The following PDE1A variants were observed in gnomAD, a reference collection of about 807,000 sequenced individuals.
PDE1A encodes the protein phosphodiesterase 1A.
A neutral mutation model predicts 61.7 loss-of-function variants in PDE1A; 35 were observed. That is an observed-to-expected ratio of 0.57 (90% CI 0.43 to 0.75). The LOEUF (loss-of-function observed/expected upper bound fraction) is 0.75, where lower values mean the gene tolerates loss of function less well. Ranked by LOEUF, PDE1A falls within the 30% of genes least tolerant of loss-of-function variation. The pLI is 0.00. For synonymous variants in PDE1A, 232 were observed against 213.2 expected, an observed-to-expected ratio of 1.09 and a Z score of -0.77; for missense variants, 597 against 630.6, an observed-to-expected ratio of 0.95 and a Z score of 0.57.
intron 1 of PDE1A, among the ~76,000 whole-genome samples, chr2:182,361,413 C>T (rs1375059587): frequency 6.6e-6 from 1 of 151,934 alleles, no homozygotes. Flanking sequence ...AACATTTTTT[C>T]CCCAAAGGAT....
At chr2:182,419,680 T>C (rs140597813) in intron 1 of PDE1A, among the ~76,000 whole-genome samples, 1,943 of 152,290 alleles carry the variant, frequency 0.013, 27 homozygotes, top group South Asian at 0.048. Flanking sequence ...TTTCATTCTA[T>C]CATTCATTCA....
chr2:182,265,797 C>T (rs1004439129), intron 1 of PDE1A, among the ~76,000 whole-genome samples: 1 of 152,102 alleles, frequency 6.6e-6, no homozygotes, highest in Non-Finnish European at 1.5e-5. Context: ...CTCCATACTA[C>T]AGATAAGCAA....
intron 13 of PDE1A, 70 bp downstream of exon 13, chr2:182,185,822 G>C: frequency 6.2e-7 from 1 of 1,604,604 alleles, no homozygotes; most frequent in East Asian, 2.2e-5. Context: ...TCTAGAAGAA[G>C]TAATCCAAAC....
the PDE1A span, among the ~76,000 whole-genome samples, chr2:182,601,363 G>A: frequency 2.0e-5 from 3 of 152,244 alleles, no homozygotes; most frequent in African/African-American, 4.8e-5. Flanking sequence ...GAATTCAGCA[G>A]CACGCAGAAG....
the PDE1A span, among the ~76,000 whole-genome samples, chr2:182,645,734 CA>C: frequency 6.6e-6 from 1 of 152,212 alleles, no homozygotes; most frequent in East Asian, 1.9e-4. Context: ...ATGGCCACTA[CA>C]GAACAAAATA....
At chr2:182,188,733 T>C (rs538450379) in intron 11 of PDE1A, among the ~76,000 whole-genome samples, 2 of 152,364 alleles carry the variant, frequency 1.3e-5, no homozygotes, top group African/African-American at 2.4e-5. Context: ...GAAAATTTTA[T>C]ATTTTGTAAA....
the PDE1A span, among the ~76,000 whole-genome samples, chr2:182,658,306 C>A: frequency 6.6e-6 from 1 of 152,172 alleles, no homozygotes; most frequent in Non-Finnish European, 1.5e-5. Context: ...CCTGATGTTC[C>A]TTGCCTTGCA....
At chr2:182,602,569 G>A in the PDE1A span, among the ~76,000 whole-genome samples, 3 of 152,236 alleles carry the variant, frequency 2.0e-5, no homozygotes, top group East Asian at 3.8e-4. Context: ...AAAGCTAACA[G>A]ATGCAAATAT....
At chr2:182,395,318 C>T (rs771055459) in intron 1 of PDE1A, among the ~76,000 whole-genome samples, 17 of 152,154 alleles carry the variant, frequency 1.1e-4, no homozygotes, top group Non-Finnish European at 1.8e-4. Flanking sequence ...CACAAGATAT[C>T]GCATTGATCC....
At chr2:182,650,133 A>T in the PDE1A span, among the ~76,000 whole-genome samples, 5 of 152,154 alleles carry the variant, frequency 3.3e-5, no homozygotes, top group Non-Finnish European at 7.3e-5. Flanking sequence ...AAGATCCTAG[A>T]TCTATCCATA....
At chr2:182,454,271 A>G (rs1685741501) in intron 2 of PDE1A, among the ~76,000 whole-genome samples, 1 of 152,122 alleles carries the variant, frequency 6.6e-6, no homozygotes, top group African/African-American at 2.4e-5. Context: ...ATAAAAGAGG[A>G]TACAAACAAA....
intron 1 of PDE1A, among the ~76,000 whole-genome samples, chr2:182,410,099 C>A (rs1702525606): frequency 6.6e-6 from 1 of 152,134 alleles, no homozygotes; most frequent in Non-Finnish European, 1.5e-5. Context: ...TGCTTGTAAT[C>A]CCAGCACTTT....
intron 2 of PDE1A, among the ~76,000 whole-genome samples, chr2:182,507,014 T>C (rs1689455021): frequency 6.6e-6 from 1 of 152,204 alleles, no homozygotes; most frequent in Non-Finnish European, 1.5e-5. Flanking sequence ...ATATTTTATG[T>C]GGACACATGC....
At chr2:182,441,579 C>A (rs1684797874) in intron 2 of PDE1A, among the ~76,000 whole-genome samples, 1 of 151,890 alleles carries the variant, frequency 6.6e-6, no homozygotes, top group Non-Finnish European at 1.5e-5. Context: ...GAAACAACGC[C>A]ACAACAGTAG....
intron 1 of PDE1A, among the ~76,000 whole-genome samples, chr2:182,297,965 G>A (rs1351192986): frequency 2.6e-5 from 4 of 152,158 alleles, no homozygotes; most frequent in African/African-American, 9.7e-5. Flanking sequence ...CCAGCAGCTG[G>A]TCTGCTTGGA....
At chr2:182,355,662 TA>T (rs1462156390) in intron 1 of PDE1A, among the ~76,000 whole-genome samples, 1 of 152,128 alleles carries the variant, frequency 6.6e-6, no homozygotes, top group Non-Finnish European at 1.5e-5. Context: ...TCTAATTTTC[TA>T]AAGCATTTTT....
chr2:182,285,076 G>A (rs1043813643), intron 1 of PDE1A, among the ~76,000 whole-genome samples: 4 of 152,002 alleles, frequency 2.6e-5, no homozygotes, highest in Non-Finnish European at 4.4e-5. Flanking sequence ...AAACTTGCAC[G>A]CAGATAATTG....
chr2:182,324,376 T>G (rs1272893341), intron 1 of PDE1A, among the ~76,000 whole-genome samples: 1 of 151,998 alleles, frequency 6.6e-6, no homozygotes, highest in East Asian at 1.9e-4. Flanking sequence ...AGGCATATTT[T>G]AAAATTCTAA....
intron 2 of PDE1A, among the ~76,000 whole-genome samples, chr2:182,515,840 G>C (rs146788847): frequency 8.0e-4 from 122 of 152,238 alleles, no homozygotes; most frequent in African/African-American, 2.8e-3. Context: ...ATGCAAGTCA[G>C]GGTTAGATGG....
Sources: allele counts gnomAD v4.1 joint callset (sites outside exome capture counted in the v4.1 genomes callset), GRCh38; gene constraint gnomAD v4.1.1; transcripts MANE v1.5; gene names NCBI Gene and HGNC (gene_info 2026-07-23, HGNC 2026-07-21).